Variants in FAAH2 observed in about 807,000 individuals in gnomAD.
FAAH2 encodes fatty-acid amide hydrolase 2.
A neutral mutation model predicts 36.9 loss-of-function variants in FAAH2; 60 were observed. The observed-to-expected ratio is 1.63, with a 90% CI of 1.32 to 2.02. The LOEUF (loss-of-function observed/expected upper bound fraction) is 2.02, where lower values mean the gene tolerates loss of function less well. FAAH2 is among the 30% of genes most tolerant of loss of function. FAAH2 has a pLI of 0.00. For missense variants in FAAH2, 689 were observed against 397.5 expected, an observed-to-expected ratio of 1.73 and a Z score of -6.23; for synonymous variants, 214 against 143.8, an observed-to-expected ratio of 1.49 and a Z score of -3.49.
chrX:57,202,647 T>C, the FAAH2 span, among the ~76,000 whole-genome samples: 1 of 111,624 alleles, frequency 9.0e-6, no homozygotes, highest in Non-Finnish European at 1.9e-5. Context: ...AGCTACTATC[T>C]ATGTACACTT....
At chrX:57,261,423 C>T in the FAAH2 span, among the ~76,000 whole-genome samples, 9 of 108,177 alleles carry the variant, frequency 8.3e-5, no homozygotes, top group East Asian at 1.4e-3. Context: ...CATGGTGGTG[C>T]GTTCCTGTAA....
At chrX:57,176,669 T>C in the FAAH2 span, among the ~76,000 whole-genome samples, 2 of 112,226 alleles carry the variant, frequency 1.8e-5, no homozygotes, top group Non-Finnish European at 3.8e-5. Context: ...ATTGTCAGAA[T>C]TATTTTTTTG....
intron 3 of FAAH2, among the ~76,000 whole-genome samples, chrX:57,311,976 C>A (rs1237086924): frequency 8.9e-6 from 1 of 112,212 alleles, no homozygotes; most frequent in Non-Finnish European, 1.9e-5. Flanking sequence ...GGGAGAGATG[C>A]ATGGGTTTCT....
chrX:57,450,675 G>A (rs1036935759), intron 10 of FAAH2, among the ~76,000 whole-genome samples: 23 of 110,658 alleles, frequency 2.1e-4, no homozygotes, highest in Non-Finnish European at 4.0e-4. Flanking sequence ...AGCTTTTTAT[G>A]TTTGTCTCCT....
chrX:57,217,943 A>T, the FAAH2 span, among the ~76,000 whole-genome samples: 1 of 111,596 alleles, frequency 9.0e-6, no homozygotes, highest in Non-Finnish European at 1.9e-5. Context: ...TGTTTGTGTC[A>T]TCTATGATTT....
chrX:57,318,082 CT>C (rs1280492439), intron 3 of FAAH2, among the ~76,000 whole-genome samples: 1 of 111,276 alleles, frequency 9.0e-6, no homozygotes, highest in African/African-American at 3.3e-5. Flanking sequence ...AATTGACACC[CT>C]AACATCACAA....
chrX:57,253,512 C>T, the FAAH2 span, among the ~76,000 whole-genome samples: 13 of 111,331 alleles, frequency 1.2e-4, no homozygotes, highest in South Asian at 4.9e-3. Flanking sequence ...TTAATGGCAG[C>T]CGGAGAGAAA....
chrX:57,190,541 C>A, the FAAH2 span, among the ~76,000 whole-genome samples: 2 of 109,842 alleles, frequency 1.8e-5, no homozygotes, highest in Non-Finnish European at 3.8e-5. Flanking sequence ...GTGGTGTAGG[C>A]ACATAAGGGA....
At chrX:57,453,058 G>A (rs747141078) in intron 10 of FAAH2, among the ~76,000 whole-genome samples, 203 of 111,618 alleles carry the variant, frequency 1.8e-3, no homozygotes, top group Middle Eastern at 4.7e-3. Flanking sequence ...ATTACCTGTG[G>A]CACCTTATTG....
At chrX:57,258,398 A>G in the FAAH2 span, among the ~76,000 whole-genome samples, 1 of 111,420 alleles carries the variant, frequency 9.0e-6, no homozygotes. Context: ...AATTTTTTTA[A>G]GCTAACCCCC....
chrX:57,186,318 C>T, the FAAH2 span, among the ~76,000 whole-genome samples: 14 of 112,032 alleles, frequency 1.2e-4, no homozygotes, highest in African/African-American at 4.2e-4. Flanking sequence ...CTCTAATGAC[C>T]GGTGGTGATG....
chrX:57,163,167 C>T, the FAAH2 span, among the ~76,000 whole-genome samples: 1 of 112,151 alleles, frequency 8.9e-6, no homozygotes, highest in African/African-American at 3.2e-5. Flanking sequence ...CCCAGTTATG[C>T]TGCTTGGGGG....
intron 10 of FAAH2, among the ~76,000 whole-genome samples, chrX:57,471,035 A>G (rs1400060537): frequency 8.9e-6 from 1 of 112,020 alleles, no homozygotes; most frequent in Admixed American, 9.5e-5. Context: ...GGCTTCAACA[A>G]TATTCAACAG....
chrX:57,418,285 A>G (rs1318169136), intron 7 of FAAH2, among the ~76,000 whole-genome samples: 2 of 109,805 alleles, frequency 1.8e-5, no homozygotes. Flanking sequence ...TTGAGAAAAA[A>G]CTCCTGCAGC....
chrX:57,460,667 G>A (rs1179577653), intron 10 of FAAH2, among the ~76,000 whole-genome samples: 3 of 111,766 alleles, frequency 2.7e-5, no homozygotes, highest in Admixed American at 9.5e-5. Context: ...AATATGGAAA[G>A]GAAAAACTGG....
the FAAH2 span, among the ~76,000 whole-genome samples, chrX:57,257,557 A>T: frequency 9.1e-6 from 1 of 109,322 alleles, no homozygotes; most frequent in African/African-American, 3.3e-5. Context: ...GTGGGGGTCT[A>T]GGGGAGGGAT....
chrX:57,190,840 C>T, the FAAH2 span, among the ~76,000 whole-genome samples: 88 of 110,791 alleles, frequency 7.9e-4, no homozygotes, highest in Non-Finnish European at 1.3e-3. Flanking sequence ...TGTTAATGTT[C>T]GGCCATCCTG....
intron 7 of FAAH2, among the ~76,000 whole-genome samples, chrX:57,391,160 C>T (rs2055157605): frequency 9.0e-6 from 1 of 110,674 alleles, no homozygotes; most frequent in African/African-American, 3.3e-5. Flanking sequence ...TTTTTGCTCA[C>T]TTTTTAATGG....
chrX:57,423,446 G>C (rs2056085289), intron 7 of FAAH2, among the ~76,000 whole-genome samples: 1 of 111,197 alleles, frequency 9.0e-6, no homozygotes, highest in African/African-American at 3.3e-5. Context: ...GGCAGCCTGG[G>C]ACAATTTAAT....
Sources: gnomAD v4.1 joint callset for allele counts (sites outside exome capture counted in the v4.1 genomes callset) on GRCh38, gnomAD v4.1.1 for gene constraint, MANE v1.5 for transcripts, NCBI Gene and HGNC (gene_info 2026-07-23, HGNC 2026-07-21) for gene names.